Variants in RPAP1 observed in about 807,000 individuals in gnomAD.
RPAP1 encodes the protein RNA polymerase II associated protein 1, also known as RNA polymerase II-associated protein 1.
RPAP1 carries 109 observed loss-of-function variants against 142.4 expected under a neutral mutation model. The ratio of observed to expected loss-of-function variants is 0.77; its 90% CI spans 0.66 to 0.90. The LOEUF (loss-of-function observed/expected upper bound fraction) is 0.90. Ranked by LOEUF, RPAP1 falls within the 40% of genes least tolerant of loss-of-function variation. The pLI is 0.00. For synonymous variants in RPAP1, 704 were observed against 738.9 expected, an observed-to-expected ratio of 0.95 and a Z score of 0.77; for missense variants, 1,546 against 1,751.7, an observed-to-expected ratio of 0.88 and a Z score of 2.10.
chr15:41,531,686 G>A (rs2051853919), intron 6 of RPAP1, among the ~76,000 whole-genome samples: 1 of 139,736 alleles, frequency 7.2e-6, no homozygotes, highest in Non-Finnish European at 1.5e-5. Flanking sequence ...TGTCGCCCGG[G>A]CTGGAGTGCA....
rs374674439 is a variant in RPAP1 at position 41,520,722 on chromosome 15, C to A, written c.3464G>T (p.Arg1155Leu). ...GAACACACACATGAGCCGTGCCAGG[C>A]GGGCAGCAGGGGGCACAGCCCAGAG... is the stretch of plus-strand genomic sequence containing the variant. ...QALWAVPPAA[R>L]LARLMCVFLV... The change falls in exon 22 of 25, where the codon CGC becomes CTC. Residue 1155 changes from arginine to leucine, a missense_variant. Physicochemically the swap from Arg to Leu is moderately radical, Grantham distance 102. Coordinates refer to ENST00000304330, the MANE Select transcript of RPAP1 (RefSeq NM_015540.4). 6.2e-7 allele frequency: 1 copy of A among 1,614,004 alleles called. No homozygotes were observed. The highest frequency in any genetic ancestry group is 8.5e-7 in the Non-Finnish European group (1 of 1,180,014).
At chr15:41,542,158 G>T (rs887894047) in intron 1 of RPAP1, among the ~76,000 whole-genome samples, 2 of 152,162 alleles carry the variant, frequency 1.3e-5, no homozygotes, top group Non-Finnish European at 2.9e-5. Flanking sequence ...CCGAAATGCT[G>T]GGTCTTTTAA....
chr15:41,530,695 G>A (rs151208162), intron 7 of RPAP1, among the ~76,000 whole-genome samples: 1 of 152,148 alleles, frequency 6.6e-6, no homozygotes, highest in African/African-American at 2.4e-5. Context: ...AGAACAGTGG[G>A]ATGGACAGAG....
chr15:41,530,924 G>T lies in RPAP1; in HGVS notation c.943+99C>A, dbSNP rs1377724089. On this transcript the variant is annotated intron_variant, in intron 7 of 24. Transcript: ENST00000304330. The stretch of plus-strand genomic sequence containing the variant: ...GAGGATTAATGTTAGATGTCCAAAA[G>T]CACAGAAGCTTCTCTCTTCTCTCAT... 4.1e-6 allele frequency: 5 copies of T among 1,206,478 alleles called. No homozygotes were observed. In the East Asian group the frequency reaches 9.4e-5, roughly 23 times the overall value. 74.7% of individuals were successfully genotyped at this position (1,206,478 alleles called of 1,614,324 possible).
rs191318791 is a variant in RPAP1, at chr15:41,539,404, C to G, written c.-76-2203G>C. Among the ~76,000 whole-genome samples, 359 of 152,196 alleles carry G rather than the reference C, an allele frequency of 2.4e-3. 1 individual carries two copies. The highest frequency in any genetic ancestry group is 8.0e-3 in the African/African-American group (332 of 41,530). The stretch of plus-strand genomic sequence containing the variant: ...CTGACTCCTAGGTTCAAGTGATTCT[C>G]CTGCCTCAGCCTCCTGAGTAGCTGG... On this transcript the variant is annotated intron_variant, in intron 1 of 24. Transcript: ENST00000304330.
At chr15:41,536,699 AG>A (rs2051913165) in intron 2 of RPAP1, 50 bp from the exon 3 acceptor site, 5 of 1,593,362 alleles carry the variant, frequency 3.1e-6, no homozygotes, top group Non-Finnish European at 3.4e-6. Context: ...CTTCCTAGGA[AG>A]ACACTGCAGG....
At position 41,521,790 on chromosome 15, in the gene RPAP1, A is replaced by G; in HGVS notation, c.2986T>C (p.Tyr996His). The G allele has an allele frequency of 6.2e-7, 1 of 1,614,142 alleles. No individual in the cohort carries two copies. Among genetic ancestry groups the G allele is most frequent in the Non-Finnish European group, 8.5e-7 (1 of 1,180,032 alleles). The change falls in exon 21 of 25, where the codon TAC (tyrosine) becomes CAC (histidine). Residue 996 changes from tyrosine (Y) to histidine (H), a missense_variant. This residue lies in a region of RPAP1 where 1,333 missense variants were observed against 1,486.6 expected (regional missense o/e 0.90). Transcript: ENST00000304330. ...CTCAGCAGCAGCTCATGGGTGAGGT[A>G]CTCACTTCCGGGCAGCAGCCGGCTC... Reference protein sequence around the residue: ...LLSRLLPGSEYLTHELLLSCV... With the variant: ...LLSRLLPGSEHLTHELLLSCV...
In RPAP1 at chr15:41,521,892, A is replaced by G. The variant is rs1380159370; in HGVS notation, c.2896-12T>C. ...GGCTGCAGCGCTGCCTGCAGACAGA[A>G]AAGCAGGGAACTACCTAGTACAGGA... On this transcript the variant is annotated splice_polypyrimidine_tract_variant and intron_variant, in intron 20 of 24. Coordinates refer to ENST00000304330, the MANE Select transcript of RPAP1 (RefSeq NM_015540.4). The G allele has an allele frequency of 6.2e-7, 1 of 1,613,300 alleles. No homozygotes were observed. Among genetic ancestry groups the G allele is most frequent in the Non-Finnish European group, 8.5e-7 (1 of 1,179,648 alleles).
At chr15:41,538,576 A>G (rs2051938354) in intron 1 of RPAP1, among the ~76,000 whole-genome samples, 1 of 152,202 alleles carries the variant, frequency 6.6e-6, no homozygotes, top group Non-Finnish European at 1.5e-5. Context: ...TTGTATCATG[A>G]TAAAATATGC....
intron 22 of RPAP1, chr15:41,518,499 T>A (rs915195231): frequency 4.8e-6 from 1 of 207,376 alleles, no homozygotes; most frequent in Non-Finnish European, 9.5e-6. Context: ...CTGGCCAACA[T>A]GGTGAAACCC....
chr15:41,542,409 A>T (rs181444962), intron 1 of RPAP1, among the ~76,000 whole-genome samples: 2 of 152,330 alleles, frequency 1.3e-5, no homozygotes, highest in Non-Finnish European at 2.9e-5. Context: ...AAATCCCTAA[A>T]GGTTAAAAAT....
chr15:41,526,734 T>C (rs963731924), intron 14 of RPAP1, among the ~76,000 whole-genome samples, 164 bp downstream of exon 14: 2 of 152,170 alleles, frequency 1.3e-5, no homozygotes, highest in African/African-American at 4.8e-5. Context: ...CAGGCTCCAG[T>C]AAACAGGTTC....
chr15:41,536,781 CT>C, intron 2 of RPAP1, 132 bp from the exon 3 acceptor site: 1 of 1,397,526 alleles, frequency 7.2e-7, no homozygotes. Context: ...TATTTAACCT[CT>C]TTGAGCCTCA....
At chr15:41,536,016 C>T in intron 4 of RPAP1, 113 bp downstream of exon 4, 1 of 764,876 alleles carries the variant, frequency 1.3e-6, no homozygotes, top group Non-Finnish European at 2.2e-6. Flanking sequence ...TAGTATGATC[C>T]TGCTTTGTAA....
intron 6 of RPAP1, among the ~76,000 whole-genome samples, chr15:41,534,068 GC>G (rs1029146143): frequency 7.3e-5 from 11 of 151,112 alleles, no homozygotes; most frequent in African/African-American, 2.7e-4. Flanking sequence ...GTTGCAGTGA[GC>G]CTACGTCGCG....
chr15:41,539,943 G>A lies in RPAP1; in HGVS notation c.-76-2742C>T, dbSNP rs2051954525. On this transcript the variant is annotated intron_variant, in intron 1 of 24. Transcript: ENST00000304330. ...AGCTACTCAGGAGGCTGAGGCAGAAGAATCACTTGAACCTGGGAGGCGGAG... is the reference window on the plus strand; with the variant it reads ...AGCTACTCAGGAGGCTGAGGCAGAAAAATCACTTGAACCTGGGAGGCGGAG... Among the ~76,000 whole-genome samples, 3 of 152,026 alleles carry A rather than the reference G, an allele frequency of 2.0e-5. No homozygotes were observed. The South Asian group carries it at 6.2e-4, about 32-fold the overall frequency.
rs576632104 is a variant in RPAP1, at chr15:41,534,747, G to A, written c.730C>T (p.Leu244=). ...RLQAMAPEEI[L]QEQQRLLAQL... ...GCCAGCAACCGCTGCTGTTCCTGCA[G>A]GATCTCCTCAGGAGCCATGGCCTGC... Residue 244 remains leucine (L), a synonymous_variant, in exon 6 of 25, where the codon CTG becomes TTG. Coordinates refer to ENST00000304330, the MANE Select transcript of RPAP1 (RefSeq NM_015540.4). The A allele has an allele frequency of 1.3e-5, 21 of 1,614,056 alleles. No homozygotes were observed. The South Asian group carries it at 1.5e-4, about 12-fold the overall frequency.
intron 22 of RPAP1, chr15:41,519,496 C>G (rs903008194): frequency 2.0e-5 from 3 of 152,210 alleles, no homozygotes; most frequent in Non-Finnish European, 1.5e-5. Context: ...CAGGCATGAG[C>G]CACCGCACCT....
intron 1 of RPAP1, among the ~76,000 whole-genome samples, chr15:41,543,687 A>G (rs2051992701): frequency 6.6e-6 from 1 of 152,144 alleles, no homozygotes; most frequent in African/African-American, 2.4e-5. Context: ...TAAAGCCACC[A>G]GTGTGTTTCC....
Sources: gnomAD v4.1 joint callset for allele counts (sites outside exome capture counted in the v4.1 genomes callset) on GRCh38, gnomAD v4.1.1 for gene constraint, gnomAD v4.1.1 regional missense constraint, MANE v1.5 for transcripts, NCBI Gene and HGNC (gene_info 2026-07-23, HGNC 2026-07-21) for gene names.